MAP4: variants seen among roughly 807,000 people sequenced by gnomAD.
The protein encoded by MAP4 is microtubule associated protein 4, also known as microtubule-associated protein 4.
MAP4 carries 76 observed loss-of-function variants against 170.2 expected under a neutral mutation model. The observed-to-expected ratio is 0.45, with a 90% CI of 0.37 to 0.54. The LOEUF (loss-of-function observed/expected upper bound fraction) is 0.54. Ranked by LOEUF, MAP4 falls within the 20% of genes least tolerant of loss-of-function variation. The pLI, the probability that MAP4 is intolerant of heterozygous loss-of-function variation, is 0.00. For missense variants in MAP4, 2,506 were observed against 2,748.0 expected (o/e 0.91, Z 1.97); for synonymous variants, 909 against 994.5 (o/e 0.91, Z 1.62).
At chr3:47,903,425 C>A (rs1410579172) in intron 9 of MAP4, among the ~76,000 whole-genome samples, 1 of 150,798 alleles carries the variant, frequency 6.6e-6, no homozygotes, top group East Asian at 2.0e-4. Flanking sequence ...CCCAGCTACT[C>A]GGGAGGCTGA....
chr3:48,064,163 C>A (rs2100137279), intron 1 of MAP4, among the ~76,000 whole-genome samples: 1 of 152,194 alleles, frequency 6.6e-6, no homozygotes, highest in South Asian at 2.1e-4. Flanking sequence ...GATTAGAAAT[C>A]ATGGTTTAGG....
chr3:47,917,736 G>C (rs2100040557), intron 6 of MAP4, among the ~76,000 whole-genome samples: 1 of 152,126 alleles, frequency 6.6e-6, no homozygotes, highest in African/African-American at 2.4e-5. Context: ...GAAAACATAG[G>C]CTTCAAAAAT....
At chr3:47,883,864 T>TA (rs927538287) in intron 10 of MAP4, among the ~76,000 whole-genome samples, 25 of 148,714 alleles carry the variant, frequency 1.7e-4, no homozygotes, top group Middle Eastern at 3.5e-3. Context: ...TAAGGAAGGT[T>TA]AAAAAAAAAA....
chr3:47,956,206 T>C (rs917191008), intron 3 of MAP4, among the ~76,000 whole-genome samples: 3 of 151,984 alleles, frequency 2.0e-5, no homozygotes, highest in African/African-American at 7.3e-5. Flanking sequence ...TCCAGAAATA[T>C]GAGTAAGTTA....
At chr3:47,877,874 T>C (rs149570005) in intron 10 of MAP4, 15 of 159,952 alleles carry the variant, frequency 9.4e-5, no homozygotes, top group Non-Finnish European at 1.9e-4. Flanking sequence ...GACAAAAACC[T>C]CTTCTACCAG....
intron 1 of MAP4, among the ~76,000 whole-genome samples, chr3:48,078,061 T>A (rs576052296): frequency 6.6e-6 from 1 of 152,260 alleles, no homozygotes; most frequent in Non-Finnish European, 1.5e-5. Context: ...GAGGTTTCTT[T>A]TGGGGGTAAT....
chr3:47,965,312 C>A (rs1230888894), intron 3 of MAP4, among the ~76,000 whole-genome samples: 1 of 152,144 alleles, frequency 6.6e-6, no homozygotes, highest in African/African-American at 2.4e-5. Flanking sequence ...GATGGGACAT[C>A]TGGGTTGCTT....
intron 1 of MAP4, among the ~76,000 whole-genome samples, chr3:48,014,463 G>A (rs1380114655): frequency 2.0e-5 from 3 of 152,240 alleles, no homozygotes; most frequent in Admixed American, 2.0e-4. Flanking sequence ...CTAGAACAGA[G>A]CTTGGGCAAA....
intron 4 of MAP4, among the ~76,000 whole-genome samples, chr3:47,923,643 C>A (rs1254874925): frequency 6.6e-6 from 1 of 150,644 alleles, no homozygotes; most frequent in South Asian, 2.1e-4. Flanking sequence ...AAAAACAAAC[C>A]CTTATTTTCA....
chr3:47,900,104 C>T (rs2100029217), intron 10 of MAP4, among the ~76,000 whole-genome samples: 1 of 152,120 alleles, frequency 6.6e-6, no homozygotes, highest in South Asian at 2.1e-4. Context: ...TTATTGCCTC[C>T]AGGAAACAAT....
rs1240795359 is a variant in MAP4, at chr3:47,916,139, A to C, written c.1688T>G (p.Val563Gly). 6.2e-7 allele frequency: 1 copy of C among 1,613,906 alleles called. No individual in the cohort carries two copies. Among genetic ancestry groups the C allele is most frequent in the Non-Finnish European group, 8.5e-7 (1 of 1,180,004 alleles). ...KTEAPLAKDGVLTLANNVTPA... is the reference protein window; with the variant it reads ...KTEAPLAKDGGLTLANNVTPA... ...AGTCACATTGTTGGCCAGGGTCAGA[A>C]CCCCATCCTTAGCCAGGGGTGCTTC... Residue 563 changes from valine to glycine, a missense_variant, in exon 7 of 21, where the codon GTT (valine) becomes GGT (glycine). Physicochemically the swap from Val to Gly is moderately radical, Grantham distance 109. Coordinates refer to ENST00000683076, the MANE Select transcript of MAP4 (RefSeq NM_001385682.1).
At chr3:48,085,373 C>A (rs1304777574) in intron 1 of MAP4, among the ~76,000 whole-genome samples, 1 of 152,096 alleles carries the variant, frequency 6.6e-6, no homozygotes, top group African/African-American at 2.4e-5. Context: ...AAAGCTAAGC[C>A]GCCTATATAT....
intron 1 of MAP4, among the ~76,000 whole-genome samples, chr3:48,055,014 G>A (rs1222975445): frequency 6.6e-6 from 1 of 152,198 alleles, no homozygotes; most frequent in Admixed American, 6.5e-5. Context: ...TCTCAAAGCT[G>A]TAATTAAGCA....
At chr3:47,964,955 C>T (rs2100073955) in intron 3 of MAP4, among the ~76,000 whole-genome samples, 2 of 152,164 alleles carry the variant, frequency 1.3e-5, no homozygotes, top group South Asian at 2.1e-4. Flanking sequence ...ATCTCCAGAA[C>T]TTTTTCATCT....
At chr3:47,966,228 C>CTTTTTTTTTTTTT (rs757460367) in intron 3 of MAP4, among the ~76,000 whole-genome samples, 1 of 50,262 alleles carries the variant, frequency 2.0e-5, no homozygotes, top group Non-Finnish European at 3.6e-5. Context: ...CCCACACTAC[C>CTTTTTTTTTTTTT]TTTTTTTTTT....
At chr3:47,996,844 A>G (rs1184459806) in intron 2 of MAP4, among the ~76,000 whole-genome samples, 1 of 152,114 alleles carries the variant, frequency 6.6e-6, no homozygotes, top group Non-Finnish European at 1.5e-5. Flanking sequence ...TATGATTAAT[A>G]TGTTAAAGTC....
At chr3:48,060,121 T>C (rs2100134415) in intron 1 of MAP4, among the ~76,000 whole-genome samples, 1 of 152,222 alleles carries the variant, frequency 6.6e-6, no homozygotes, top group Non-Finnish European at 1.5e-5. Context: ...ATAAACAGTT[T>C]CATCACCAAA....
intron 2 of MAP4, among the ~76,000 whole-genome samples, chr3:47,987,069 G>A (rs776924479): frequency 3.3e-5 from 5 of 152,226 alleles, no homozygotes; most frequent in East Asian, 1.9e-4. Flanking sequence ...GTACCCCTGC[G>A]CCCTCAGTTT....
In MAP4 at chr3:48,014,555, A is replaced by C. The variant is rs569248774; in HGVS notation, c.-20+1779T>G. 2.6e-4 allele frequency among the ~76,000 whole-genome samples: 39 copies of C among 152,244 alleles called. 1 individual carries two copies. Among genetic ancestry groups the C allele is most frequent in the Admixed American group, 2.5e-3 (38 of 15,286 alleles). On this transcript the variant is annotated intron_variant, in intron 1 of 20. Coordinates refer to ENST00000683076, the MANE Select transcript of MAP4 (RefSeq NM_001385682.1). ...ATGCCTGTAGTCCCTGCTACTCAGG[A>C]GGCTGAGGTGGGAGGACTGATTGAG...
Sources: gnomAD v4.1 joint callset for allele counts (sites outside exome capture counted in the v4.1 genomes callset) on GRCh38, gnomAD v4.1.1 for gene constraint, MANE v1.5 for transcripts, NCBI Gene and HGNC (gene_info 2026-07-23, HGNC 2026-07-21) for gene names.